Variants in PXN observed in about 807,000 individuals in gnomAD.
PXN encodes testicular tissue protein Li 134.
A neutral mutation model predicts 103.6 loss-of-function variants in PXN; 61 were observed. That is an observed-to-expected ratio of 0.59 (90% CI 0.48 to 0.73). The LOEUF (loss-of-function observed/expected upper bound fraction) is 0.73. PXN is among the 30% of genes least tolerant of loss of function. The pLI is 0.00. For synonymous variants in PXN, 562 were observed against 607.8 expected (o/e 0.92, Z 1.11); for missense variants, 1,274 against 1,460.3 (o/e 0.87, Z 2.08).
In PXN at chr12:120,216,461, G is replaced by C. The variant is rs1395665726; in HGVS notation, c.2113C>G (p.Pro705Ala). 2 of 1,384,162 alleles carry C rather than the reference G, an allele frequency of 1.4e-6. No individual in the cohort carries two copies. The highest frequency in any genetic ancestry group is 7.2e-5 in the Admixed American group (2 of 27,892). 85.7% of individuals were successfully genotyped at this position (1,384,162 alleles called of 1,614,324 possible). Residue 705 changes from proline to alanine, a missense_variant, in exon 9 of 15, where the codon CCC becomes GCC. Around this residue, in one of 2 missense-constraint regions of PXN, gnomAD observed 1,178 missense variants for 1,309.0 expected, o/e 0.90. Coordinates refer to ENST00000637617, the MANE Select transcript of PXN (RefSeq NM_001385981.1). The surrounding 1 kb of genome is among the most constrained non-coding windows in gnomAD (Gnocchi z 5.1). ...DAAASSSSPL[P>A]SLLASSPLGP... ...AGGGGGGAGGAGGCGAGCAGGCTGG[G>C]CAGGGGAGAAGAGCTGCTGGCCGCG...
At chr12:120,259,334 G>A (rs1893505944) in intron 1 of PXN, among the ~76,000 whole-genome samples, 1 of 152,148 alleles carries the variant, frequency 6.6e-6, no homozygotes, top group South Asian at 2.1e-4. Context: ...GGAGGTTGCA[G>A]TGAGCCAAGA....
Position 120,228,059 on chromosome 12 carries a change from C to T in PXN, c.14-3682G>A, listed in dbSNP as rs1242856846. Among the ~76,000 whole-genome samples, 1 of 152,194 alleles carries T rather than the reference C, an allele frequency of 6.6e-6. No individual in the cohort carries two copies. Among genetic ancestry groups the T allele is most frequent in the African/African-American group, 2.4e-5 (1 of 41,452 alleles). ...TACCCCAAAGAAGGTGTCAGGCTAT[C>T]CACTCTTCAGAGAAAATGGTACCCA... is the stretch of plus-strand genomic sequence containing the variant. On this transcript the variant is annotated intron_variant, in intron 1 of 14. Coordinates refer to ENST00000637617, the MANE Select transcript of PXN (RefSeq NM_001385981.1). This position sits in a 1 kb window ranked among gnomAD's most constrained non-coding sequence, Gnocchi z 4.7.
At chr12:120,243,285 C>T (rs766756295) in intron 1 of PXN, among the ~76,000 whole-genome samples, 22 of 152,290 alleles carry the variant, frequency 1.4e-4, no homozygotes, top group Admixed American at 2.6e-4. Context: ...GAAAAAGCAA[C>T]GTGTTGCTTT....
Position 120,247,632 on chromosome 12 carries a change from A to G in PXN, c.13+17985T>C, listed in dbSNP as rs1345033586. The G allele has an allele frequency of 3.1e-5, 5 of 159,912 alleles. No homozygotes were observed. In the South Asian group the frequency reaches 5.1e-4, roughly 16 times the overall value. 9.9% of individuals were successfully genotyped at this position (159,912 alleles called of 1,614,324 possible). A position where few individuals can be genotyped will look rare whatever the true frequency, so the allele number is the denominator to read the frequency against. ...CTATCAAGACTCTGAGAATCACTATAAGAAAAACGCCTCGTGATGAAGGTT... is the reference window on the plus strand; with the variant it reads ...CTATCAAGACTCTGAGAATCACTATGAGAAAAACGCCTCGTGATGAAGGTT... On this transcript the variant is annotated intron_variant, in intron 1 of 14. Coordinates refer to ENST00000637617, the MANE Select transcript of PXN (RefSeq NM_001385981.1).
At chr12:120,244,788 C>T (rs1890775348) in intron 1 of PXN, among the ~76,000 whole-genome samples, 1 of 151,828 alleles carries the variant, frequency 6.6e-6, no homozygotes, top group Non-Finnish European at 1.5e-5. Context: ...CGCCACTGCA[C>T]TCCAGCCTGG....
Position 120,221,553 on chromosome 12 carries a change from A to C in PXN, c.831+70T>G. On this transcript the variant is annotated intron_variant, in intron 6 of 14. Coordinates refer to ENST00000637617, the MANE Select transcript of PXN (RefSeq NM_001385981.1). This position sits in a 1 kb window ranked among gnomAD's most constrained non-coding sequence, Gnocchi z 6.6. ...GAGATGCCAAGATCCAGCTACCCAC[A>C]CTGAGGTAAGGGAGGAGAAGGATGA... 1 of 1,476,702 alleles carries C rather than the reference A, an allele frequency of 6.8e-7. No homozygotes were observed. The highest frequency in any genetic ancestry group is 9.1e-7 in the Non-Finnish European group (1 of 1,097,646). The allele number at this position is 1,476,702 out of a possible 1,614,324, so 91.5% of individuals were successfully genotyped here.
rs760465623 is a variant in PXN, at chr12:120,216,908, A to G, written c.1925T>C (p.Leu642Pro). The change falls in exon 8 of 15, where the codon CTG becomes CCG. Residue 642 changes from leucine to proline, a missense_variant. Physicochemically the swap from Leu to Pro is moderately conservative, Grantham distance 98. This residue lies in a region of PXN where 1,178 missense variants were observed against 1,309.0 expected (regional missense o/e 0.90). Transcript: ENST00000637617. The surrounding 1 kb of genome is among the most constrained non-coding windows in gnomAD (Gnocchi z 5.1). ...CACAGTGATGATGACGCCCTCGGTC[A>G]GCCAGTCCTGGGCAGAGGGCCCCGC... ...EAAGPSAQDW[L>P]TEGVIITVQP... 3 of 1,521,796 alleles carry G rather than the reference A, an allele frequency of 2.0e-6. No individual in the cohort carries two copies. Among genetic ancestry groups the G allele is most frequent in the Admixed American group, 4.1e-5 (2 of 48,324 alleles). The allele number at this position is 1,521,796 out of a possible 1,614,324, so 94.3% of individuals were successfully genotyped here. A position where few individuals can be genotyped will look rare whatever the true frequency, so the allele number is the denominator to read the frequency against.
chr12:120,223,962 G>A, intron 2 of PXN, 129 bp from the exon 3 acceptor site: 1 of 867,866 alleles, frequency 1.2e-6, no homozygotes, highest in Non-Finnish European at 1.8e-6. Context: ...CCACAGTTGG[G>A]CCAGGAAACC....
chr12:120,265,561 T>C lies in PXN; in HGVS notation c.13+56A>G. On this transcript the variant is annotated intron_variant, in intron 1 of 14. Coordinates refer to ENST00000637617, the MANE Select transcript of PXN (RefSeq NM_001385981.1). The surrounding 1 kb of genome is among the most constrained non-coding windows in gnomAD (Gnocchi z 5.7). ...CCCCTGCCGCTCGCTGGCGCCCTCC[T>C]GGCCCCAAGCTGCGCGCCTCTCGCC... The C allele has an allele frequency of 6.8e-7, 1 of 1,474,288 alleles. No homozygotes were observed. 91.3% of individuals were successfully genotyped at this position (1,474,288 alleles called of 1,614,324 possible).
chr12:120,233,265 A>AC (rs1243895942), intron 1 of PXN, among the ~76,000 whole-genome samples: 1 of 152,190 alleles, frequency 6.6e-6, no homozygotes, highest in Non-Finnish European at 1.5e-5. Context: ...GTGGGCAAGA[A>AC]CATCCTCCTG....
Position 120,224,225 on chromosome 12 carries a change from C to T in PXN, c.166G>A (p.Glu56Lys), listed in dbSNP as rs542303284. ...TCAAGGATTGTGCCATTGAGGGCCTCGCTGGACGGGGGTGGGGGGACGGGG... is the reference window on the plus strand; with the variant it reads ...TCAAGGATTGTGCCATTGAGGGCCTTGCTGGACGGGGGTGGGGGGACGGGG... ...PPPVPPPPSS[E>K]ALNGTILDPL... is the part of the protein sequence containing the mutation. The change falls in exon 2 of 15, where the codon GAG (glutamate) becomes AAG (lysine). Residue 56 changes from glutamate (E) to lysine (K), a missense_variant. Around this residue, in one of 2 missense-constraint regions of PXN, gnomAD observed 1,178 missense variants for 1,309.0 expected, o/e 0.90. Coordinates refer to ENST00000637617, the MANE Select transcript of PXN (RefSeq NM_001385981.1). This position sits in a 1 kb window ranked among gnomAD's most constrained non-coding sequence, Gnocchi z 5.0. The T allele has an allele frequency of 1.8e-5, 29 of 1,609,500 alleles. No homozygotes were observed. The East Asian group carries it at 3.8e-4, about 21-fold the overall frequency.
In PXN at chr12:120,214,288, C is replaced by T. The variant is rs1225640653; in HGVS notation, c.2749-71G>A. 7 of 1,335,274 alleles carry T rather than the reference C, an allele frequency of 5.2e-6. No individual in the cohort carries two copies. The highest frequency in any genetic ancestry group is 7.3e-6 in the Non-Finnish European group (7 of 953,190). 82.7% of individuals were successfully genotyped at this position (1,335,274 alleles called of 1,614,324 possible). A position where few individuals can be genotyped will look rare whatever the true frequency, so the allele number is the denominator to read the frequency against. ...TCACAACTGAGACGCCCAGCAAGGC[C>T]GTCCTTCCACCCGCAGCTCATAGCC... On this transcript the variant is annotated intron_variant, in intron 12 of 14. Coordinates refer to ENST00000637617, the MANE Select transcript of PXN (RefSeq NM_001385981.1). The surrounding 1 kb of genome is among the most constrained non-coding windows in gnomAD (Gnocchi z 5.0).
Position 120,214,718 on chromosome 12 carries a change from G to A in PXN, c.2748+107C>T, listed in dbSNP as rs987207364. 23 of 1,418,596 alleles carry A rather than the reference G, an allele frequency of 1.6e-5. No homozygotes were observed. The highest frequency in any genetic ancestry group is 7.0e-5 in the African/African-American group (5 of 71,286). 87.9% of individuals were successfully genotyped at this position (1,418,596 alleles called of 1,614,324 possible). ...ACTGTTCCCTAGCCCTGTGAGCCTC[G>A]GGCATGTGACCTCTCTGAGCCTCCC... On this transcript the variant is annotated intron_variant, in intron 12 of 14. Transcript: ENST00000637617. This position sits in a 1 kb window ranked among gnomAD's most constrained non-coding sequence, Gnocchi z 5.0.
intron 1 of PXN, among the ~76,000 whole-genome samples, chr12:120,260,252 G>A (rs1893667219): frequency 6.6e-6 from 1 of 152,254 alleles, no homozygotes; most frequent in Non-Finnish European, 1.5e-5. Flanking sequence ...GCTCACGCCT[G>A]TAATGCCAAC....
At chr12:120,245,837 G>A (rs912351222) in intron 1 of PXN, among the ~76,000 whole-genome samples, 1 of 151,170 alleles carries the variant, frequency 6.6e-6, no homozygotes, top group Non-Finnish European at 1.5e-5. Context: ...GTAAATTTGT[G>A]GACAAACATA....
intron 1 of PXN, among the ~76,000 whole-genome samples, chr12:120,251,688 G>T (rs773514804): frequency 6.7e-6 from 1 of 148,312 alleles, no homozygotes; most frequent in Non-Finnish European, 1.5e-5. Context: ...GTGGTCGTGG[G>T]CGCCTGTAAT....
chr12:120,222,644 C>G lies in PXN; in HGVS notation c.600G>C (p.Glu200Asp), dbSNP rs781198265. The G allele has an allele frequency of 3.1e-6, 5 of 1,609,214 alleles. No homozygotes were observed. Among genetic ancestry groups the G allele is most frequent in the Non-Finnish European group, 4.2e-6 (5 of 1,178,002 alleles). The change falls in exon 5 of 15, where the codon GAG becomes GAC. Residue 200 changes from glutamate (E) to aspartate (D), a missense_variant. Glu to Asp is a conservative substitution (Grantham distance 45, BLOSUM62 2). Transcript: ENST00000637617. The surrounding 1 kb of genome is among the most constrained non-coding windows in gnomAD (Gnocchi z 4.7). The part of the protein sequence containing the change: ...LGGKAGPLTK[E>D]KPKRNGGRGL... ...CCCGGCCCCCATTCCGCTTAGGCTT[C>G]TCTTTCGTCAGGGGCCCAGCTTTGC...
At position 120,210,857 on chromosome 12, in the gene PXN, T is replaced by G. The variant is rs996641823; in HGVS notation, c.*1457A>C. 2 of 152,640 alleles carry G rather than the reference T, an allele frequency of 1.3e-5. No individual in the cohort carries two copies. The highest frequency in any genetic ancestry group is 2.9e-5 in the Non-Finnish European group (2 of 68,090). The allele number at this position is 152,640 out of a possible 1,614,324, so 9.5% of individuals were successfully genotyped here. ...CTCTTTCATCCTTGGTAAAGAGCTCTGGGGGGTTTCCCCAGAGGAGCCTGT... is the reference window on the plus strand; with the variant it reads ...CTCTTTCATCCTTGGTAAAGAGCTCGGGGGGGTTTCCCCAGAGGAGCCTGT... On this transcript the variant is annotated 3_prime_UTR_variant, in exon 15 of 15. Transcript: ENST00000637617.
intron 1 of PXN, chr12:120,226,929 G>A (rs931974394): frequency 1.0e-6 from 1 of 991,082 alleles, no homozygotes; most frequent in Non-Finnish European, 1.2e-6. Context: ...CCAGACCCAA[G>A]TCACTCTGCA....
Sources: allele counts gnomAD v4.1 joint callset (sites outside exome capture counted in the v4.1 genomes callset), GRCh38; gene constraint gnomAD v4.1.1; regional missense constraint gnomAD v4.1.1; non-coding constraint Gnocchi (gnomAD v3.1); transcripts MANE v1.5; gene names NCBI Gene and HGNC (gene_info 2026-07-23, HGNC 2026-07-21).